Variants in EBF1 observed in about 807,000 individuals in gnomAD.
EBF1 encodes the protein transcription factor COE1.
A neutral mutation model predicts 68.4 loss-of-function variants in EBF1; 10 were observed. That is an observed-to-expected ratio of 0.15 (90% CI 0.09 to 0.25). The LOEUF (loss-of-function observed/expected upper bound fraction) is 0.25. EBF1 is among the 10% of genes least tolerant of loss of function. EBF1 has a pLI of 1.00. For missense variants in EBF1, 509 were observed against 794.4 expected (o/e 0.64, Z 4.32); for synonymous variants, 298 against 299.8 (o/e 0.99, Z 0.06).
At chr5:158,848,718 A>T (rs1792020035) in intron 6 of EBF1, among the ~76,000 whole-genome samples, 1 of 152,238 alleles carries the variant, frequency 6.6e-6, no homozygotes, top group Admixed American at 6.5e-5. Flanking sequence ...GGCTGTTAAT[A>T]TCTCCTTGTT....
intron 6 of EBF1, among the ~76,000 whole-genome samples, chr5:158,888,336 C>T (rs968527046): frequency 6.6e-6 from 1 of 151,846 alleles, no homozygotes; most frequent in Non-Finnish European, 1.5e-5. Flanking sequence ...TATCAAAATA[C>T]CAGAAAGAAT....
At chr5:158,977,607 A>G (rs1308025168) in intron 6 of EBF1, among the ~76,000 whole-genome samples, 1 of 152,244 alleles carries the variant, frequency 6.6e-6, no homozygotes. Context: ...ACAGTAGCCA[A>G]ATAAAATTTC....
chr5:158,769,471 G>C (rs1773454827), intron 10 of EBF1, among the ~76,000 whole-genome samples: 1 of 152,088 alleles, frequency 6.6e-6, no homozygotes, highest in Non-Finnish European at 1.5e-5. Flanking sequence ...AGGAAATAAA[G>C]GTCATATTTC....
intron 6 of EBF1, among the ~76,000 whole-genome samples, chr5:158,844,199 T>A (rs1790928188): frequency 6.6e-6 from 1 of 151,500 alleles, no homozygotes; most frequent in Admixed American, 6.6e-5. Context: ...TTTTTTTTTT[T>A]TTTTTTTGAG....
intron 6 of EBF1, among the ~76,000 whole-genome samples, chr5:159,070,313 T>C (rs776438939): frequency 4.6e-5 from 7 of 152,208 alleles, no homozygotes; most frequent in Non-Finnish European, 8.8e-5. Flanking sequence ...TGAAGTGACT[T>C]GACAAATTGT....
Position 158,871,509 on chromosome 5 carries a change from C to G in EBF1, c.555-31399G>C, listed in dbSNP as rs558462104. ...GGGAGGAAATAGCCAGAAAGTCATTCTTGCAGATGGTCACATGTCTAGGGA... is the reference window on the plus strand; with the variant it reads ...GGGAGGAAATAGCCAGAAAGTCATTGTTGCAGATGGTCACATGTCTAGGGA... On this transcript the variant is annotated intron_variant, in intron 6 of 15. Transcript: ENST00000313708. 9.8e-4 allele frequency among the ~76,000 whole-genome samples: 149 copies of G among 152,246 alleles called. No homozygotes were observed. In the Middle Eastern group the frequency reaches 0.02, roughly 21 times the overall value.
rs555184515 is a variant in EBF1, at chr5:158,740,756, C to T, written c.1037-9599G>A. On this transcript the variant is annotated intron_variant, in intron 10 of 15. Coordinates refer to ENST00000313708, the MANE Select transcript of EBF1 (RefSeq NM_024007.5). Reference sequence around the variant, plus strand: ...TCAGGCTTCTTCAGTATTGACCTAACCTAAATGATTATTTTTGCTGAGCAT... The same window carrying T: ...TCAGGCTTCTTCAGTATTGACCTAATCTAAATGATTATTTTTGCTGAGCAT... Among the ~76,000 whole-genome samples the T allele has an allele frequency of 3.9e-5, 6 of 152,272 alleles. No homozygotes were observed. The South Asian group carries it at 1.2e-3, about 32-fold the overall frequency.
chr5:158,931,836 T>TA (rs1810957328), intron 6 of EBF1, among the ~76,000 whole-genome samples: 1 of 152,180 alleles, frequency 6.6e-6, no homozygotes, highest in Non-Finnish European at 1.5e-5. Context: ...AAATAGGAGA[T>TA]ACTCATCTAC....
At chr5:159,083,352 C>T (rs1029627119) in intron 5 of EBF1, among the ~76,000 whole-genome samples, 1 of 152,110 alleles carries the variant, frequency 6.6e-6, no homozygotes, top group African/African-American at 2.4e-5. Context: ...TAATTTTTGC[C>T]TAATAATATC....
At chr5:158,921,362 A>G (rs1808395321) in intron 6 of EBF1, among the ~76,000 whole-genome samples, 1 of 152,126 alleles carries the variant, frequency 6.6e-6, no homozygotes, top group South Asian at 2.1e-4. Context: ...CCAAACTCTC[A>G]TTTGGCCTCA....
intron 8 of EBF1, among the ~76,000 whole-genome samples, chr5:158,811,041 T>A (rs914854907): frequency 6.6e-6 from 1 of 152,202 alleles, no homozygotes; most frequent in Non-Finnish European, 1.5e-5. Context: ...GCTAAAATCA[T>A]GCTGATGGCA....
chr5:158,780,309 G>A (rs1004909318), intron 9 of EBF1, among the ~76,000 whole-genome samples: 8 of 152,004 alleles, frequency 5.3e-5, no homozygotes, highest in Admixed American at 2.0e-4. Context: ...GTAGAACTCC[G>A]GACCCACAAA....
At chr5:158,893,077 A>G (rs1322815325) in intron 6 of EBF1, among the ~76,000 whole-genome samples, 1 of 152,168 alleles carries the variant, frequency 6.6e-6, no homozygotes, top group African/African-American at 2.4e-5. Flanking sequence ...TGATTTGGCT[A>G]TACCCATCAT....
At chr5:159,002,374 C>G (rs1344577042) in intron 6 of EBF1, among the ~76,000 whole-genome samples, 1 of 152,194 alleles carries the variant, frequency 6.6e-6, no homozygotes, top group Non-Finnish European at 1.5e-5. Context: ...CAGCCATGCC[C>G]TCACTGAAAA....
intron 6 of EBF1, among the ~76,000 whole-genome samples, chr5:159,052,209 A>C (rs1402021395): frequency 1.4e-5 from 2 of 147,922 alleles, no homozygotes; most frequent in Admixed American, 1.4e-4. Context: ...GAATTCCACC[A>C]AAAAAAAAAG....
At chr5:158,702,975 T>A (rs1228198491) in intron 15 of EBF1, among the ~76,000 whole-genome samples, 8 of 152,052 alleles carry the variant, frequency 5.3e-5, no homozygotes, top group Non-Finnish European at 1.2e-4. Flanking sequence ...TTTGTGAAAT[T>A]ACTCTGGCCT....
chr5:158,932,068 G>A (rs1446408209), intron 6 of EBF1, among the ~76,000 whole-genome samples: 1 of 152,164 alleles, frequency 6.6e-6, no homozygotes, highest in Non-Finnish European at 1.5e-5. Flanking sequence ...CCCGTGGGAG[G>A]GGAGGGAGCA....
intron 6 of EBF1, among the ~76,000 whole-genome samples, chr5:158,951,997 C>T (rs1318819390): frequency 6.6e-6 from 1 of 152,114 alleles, no homozygotes; most frequent in Non-Finnish European, 1.5e-5. Flanking sequence ...AGTCGACTAC[C>T]GAGCACTCAG....
chr5:158,881,272 C>T (rs147715955), intron 6 of EBF1, among the ~76,000 whole-genome samples: 1 of 152,328 alleles, frequency 6.6e-6, no homozygotes, highest in African/African-American at 2.4e-5. Flanking sequence ...CCCTATTATG[C>T]TGATACAGTC....
Sources: allele counts gnomAD v4.1 joint callset (sites outside exome capture counted in the v4.1 genomes callset), GRCh38; gene constraint gnomAD v4.1.1; transcripts MANE v1.5; gene names NCBI Gene and HGNC (gene_info 2026-07-23, HGNC 2026-07-21).